The following NPSR1 variants were observed in gnomAD, a reference collection of about 807,000 sequenced individuals.
NPSR1 encodes neuropeptide S receptor.
A neutral mutation model predicts 46.9 loss-of-function variants in NPSR1; 48 were observed. The ratio of observed to expected loss-of-function variants is 1.02; its 90% CI spans 0.81 to 1.30. The LOEUF (loss-of-function observed/expected upper bound fraction) is 1.30. Ranked by LOEUF, NPSR1 falls within the 50% of genes most tolerant of loss-of-function variation. The pLI, the probability that NPSR1 is intolerant of heterozygous loss-of-function variation, is 0.00. For synonymous variants in NPSR1, 176 were observed against 168.1 expected (o/e 1.05, Z -0.36); for missense variants, 450 against 449.5 (o/e 1.00, Z -0.01).
chr7:34,864,080 G>A (rs1208571222), intron 8 of NPSR1, among the ~76,000 whole-genome samples: 1 of 151,740 alleles, frequency 6.6e-6, no homozygotes, highest in East Asian at 1.9e-4. Flanking sequence ...CAGGGACATA[G>A]ATGAAGCTGG....
At chr7:34,804,463 A>AATT (rs1788587893) in intron 3 of NPSR1, among the ~76,000 whole-genome samples, 2 of 152,128 alleles carry the variant, frequency 1.3e-5, no homozygotes, top group African/African-American at 4.8e-5. Context: ...AAAGCATTTA[A>AATT]CAAAATTCAA....
intron 2 of NPSR1, among the ~76,000 whole-genome samples, chr7:34,702,495 T>C (rs1020648219): frequency 6.6e-6 from 1 of 152,200 alleles, no homozygotes; most frequent in Non-Finnish European, 1.5e-5. Flanking sequence ...AACTGAGAAG[T>C]TTAGACAACA....
chr7:34,824,741 C>G (rs925771357), intron 4 of NPSR1, among the ~76,000 whole-genome samples: 2 of 152,092 alleles, frequency 1.3e-5, no homozygotes, highest in African/African-American at 4.8e-5. Flanking sequence ...CACACGTTGC[C>G]CTTAAGAGTG....
intron 2 of NPSR1, chr7:34,750,269 G>A: frequency 3.0e-6 from 2 of 675,310 alleles, no homozygotes; most frequent in South Asian, 1.5e-5. Flanking sequence ...GTGCCTGCGA[G>A]CTGATGCTCT....
chr7:34,870,973 T>G (rs369901836), intron 8 of NPSR1, among the ~76,000 whole-genome samples: 16 of 151,846 alleles, frequency 1.1e-4, no homozygotes, highest in Admixed American at 6.5e-4. Context: ...GATGAACAGA[T>G]AGATGGATAT....
intron 3 of NPSR1, among the ~76,000 whole-genome samples, chr7:34,802,075 G>T (rs372280119): frequency 6.7e-6 from 1 of 149,364 alleles, no homozygotes; most frequent in African/African-American, 2.6e-5. Context: ...AGGATACAAA[G>T]AAATGGAAGA....
intron 4 of NPSR1, among the ~76,000 whole-genome samples, chr7:34,813,523 C>T (rs546124190): frequency 6.6e-6 from 1 of 152,266 alleles, no homozygotes; most frequent in East Asian, 1.9e-4. Context: ...TATGCATCAA[C>T]ATGAACATAT....
chr7:34,798,794 A>G (rs1788320090), intron 3 of NPSR1, among the ~76,000 whole-genome samples: 1 of 152,220 alleles, frequency 6.6e-6, no homozygotes, highest in Non-Finnish European at 1.5e-5. Flanking sequence ...CACACAGAAT[A>G]GAACTAAAAA....
rs568623246 is a variant in NPSR1 at position 34,727,569 on chromosome 7, C to T, written c.280+42885C>T. Among the ~76,000 whole-genome samples the T allele has an allele frequency of 4.9e-4, 74 of 152,304 alleles. 1 individual carries two copies. Among genetic ancestry groups the T allele is most frequent in the Middle Eastern group, 3.4e-3 (1 of 294 alleles). On this transcript the variant is annotated intron_variant, in intron 2 of 8. Transcript: ENST00000360581. ...GTAGCAACCACCACAATATCTTGTT[C>T]ACTTTTGTCATCCGGTGCTGATCAT...
rs750071277 is a variant in NPSR1, at chr7:34,658,367, C to T, written c.-46C>T. ...TCAGGAGGCAAGCTGGACTCCCTCACTCAGCTGCAGGAGCAAGGACAGTGA... is the reference window on the plus strand; with the variant it reads ...TCAGGAGGCAAGCTGGACTCCCTCATTCAGCTGCAGGAGCAAGGACAGTGA... On this transcript the variant is annotated 5_prime_UTR_variant, in exon 1 of 9. Coordinates refer to ENST00000360581, the MANE Select transcript of NPSR1 (RefSeq NM_207172.2). 2 of 1,606,706 alleles carry T rather than the reference C, an allele frequency of 1.2e-6. No homozygotes were observed. Among genetic ancestry groups the T allele is most frequent in the Non-Finnish European group, 1.7e-6 (2 of 1,176,412 alleles).
At chr7:34,706,776 G>C (rs1794134855) in intron 2 of NPSR1, among the ~76,000 whole-genome samples, 1 of 151,944 alleles carries the variant, frequency 6.6e-6, no homozygotes, top group African/African-American at 2.4e-5. Flanking sequence ...TTCTTTTTCT[G>C]ATATTTTTGT....
At chr7:34,682,129 G>T (rs1247100389) in intron 1 of NPSR1, among the ~76,000 whole-genome samples, 1 of 152,190 alleles carries the variant, frequency 6.6e-6, no homozygotes, top group Non-Finnish European at 1.5e-5. Flanking sequence ...AGGTGGAAAA[G>T]CTTCTGGAAA....
At chr7:34,809,808 AGT>A (rs2128750383) in intron 3 of NPSR1, among the ~76,000 whole-genome samples, 1 of 152,066 alleles carries the variant, frequency 6.6e-6, no homozygotes, top group Non-Finnish European at 1.5e-5. Context: ...TATAGGCCCC[AGT>A]GTGTTTTGTT....
At chr7:34,763,791 C>G (rs185338023) in intron 2 of NPSR1, among the ~76,000 whole-genome samples, 1 of 152,344 alleles carries the variant, frequency 6.6e-6, no homozygotes, top group East Asian at 1.9e-4. Context: ...ACTGCCTCAA[C>G]TGATCACTCA....
chr7:34,768,700 T>C (rs1786539618), intron 2 of NPSR1, among the ~76,000 whole-genome samples: 3 of 152,188 alleles, frequency 2.0e-5, no homozygotes, highest in African/African-American at 7.2e-5. Context: ...GAAGATCAAT[T>C]TGGCAGGTCC....
At chr7:34,733,519 A>G (rs943150505) in intron 2 of NPSR1, among the ~76,000 whole-genome samples, 1 of 152,100 alleles carries the variant, frequency 6.6e-6, no homozygotes, top group Non-Finnish European at 1.5e-5. Context: ...AATAAAAGTT[A>G]GTTCAAATTT....
chr7:34,827,630 CGGGGGGGTGGGGCG>C, intron 5 of NPSR1, 28 bp downstream of exon 5: 1 of 211,200 alleles, frequency 4.7e-6, no homozygotes, highest in Non-Finnish European at 8.7e-6. Flanking sequence ...CAGGACCACA[CGGGGGGGTGGGGCG>C]GGGGGGGCTT....
chr7:34,704,482 T>G (rs989534528), intron 2 of NPSR1, among the ~76,000 whole-genome samples: 1 of 152,210 alleles, frequency 6.6e-6, no homozygotes, highest in Non-Finnish European at 1.5e-5. Context: ...TTCTGCTCTT[T>G]GGAACTTATT....
chr7:34,772,552 C>G (rs946391582), intron 2 of NPSR1, among the ~76,000 whole-genome samples: 1 of 152,138 alleles, frequency 6.6e-6, no homozygotes, highest in Non-Finnish European at 1.5e-5. Context: ...TACTAGGGTA[C>G]AGCCCATGGG....
Sources: gnomAD v4.1 joint callset for allele counts (sites outside exome capture counted in the v4.1 genomes callset) on GRCh38, gnomAD v4.1.1 for gene constraint, MANE v1.5 for transcripts, NCBI Gene and HGNC (gene_info 2026-07-23, HGNC 2026-07-21) for gene names.